The following CGGBP1 variants were observed in gnomAD, a reference collection of about 807,000 sequenced individuals.
CGGBP1 encodes the protein CGG triplet repeat-binding protein 1.
In CGGBP1, 4 loss-of-function variants were observed where a neutral mutation model predicts 11.4. The observed-to-expected ratio is 0.35, with a 90% CI of 0.17 to 0.80. The LOEUF (loss-of-function observed/expected upper bound fraction) is 0.80, where lower values mean the gene tolerates loss of function less well. CGGBP1 is among the 30% of genes least tolerant of loss of function. The pLI, the probability that CGGBP1 is intolerant of heterozygous loss-of-function variation, is 0.52. For missense variants in CGGBP1, 135 were observed against 202.1 expected, an observed-to-expected ratio of 0.67 and a Z score of 2.01; for synonymous variants, 76 against 74.1, an observed-to-expected ratio of 1.03 and a Z score of -0.13.
chr3:88,099,117 G>T (rs573191302), intron 2 of CGGBP1, among the ~76,000 whole-genome samples: 2 of 152,292 alleles, frequency 1.3e-5, no homozygotes, highest in South Asian at 4.1e-4. Flanking sequence ...TCCTTAAGCT[G>T]ATAGGCAACT....
At chr3:88,140,580 T>TGTA in intron 2 of CGGBP1, 1 of 1,613,690 alleles carries the variant, frequency 6.2e-7, no homozygotes, top group Non-Finnish European at 8.5e-7. Context: ...TGAAAATAAT[T>TGTA]GTAGTAGTAG....
intron 2 of CGGBP1, among the ~76,000 whole-genome samples, chr3:88,097,769 G>T (rs1704151083): frequency 6.6e-6 from 1 of 152,254 alleles, no homozygotes; most frequent in East Asian, 1.9e-4. Flanking sequence ...AAATAAAGAT[G>T]TTCTTTGAAA....
At chr3:88,139,288 A>G in intron 2 of CGGBP1, 1 of 1,566,084 alleles carries the variant, frequency 6.4e-7, no homozygotes, top group Non-Finnish European at 8.6e-7. Flanking sequence ...AAAGTAGATC[A>G]CAATGTCCCA....
At chr3:88,126,087 T>C in intron 2 of CGGBP1, 1 of 1,413,238 alleles carries the variant, frequency 7.1e-7, no homozygotes, top group Non-Finnish European at 9.3e-7. Context: ...AAGTTTAGTT[T>C]TTAACCCCTT....
chr3:88,116,591 A>G (rs1705418709), intron 2 of CGGBP1, among the ~76,000 whole-genome samples: 1 of 107,290 alleles, frequency 9.3e-6, no homozygotes. Flanking sequence ...CACATATATT[A>G]TATATATGTG....
At chr3:88,066,237 C>T (rs56409895) in intron 2 of CGGBP1, among the ~76,000 whole-genome samples, 2 of 152,264 alleles carry the variant, frequency 1.3e-5, no homozygotes, top group East Asian at 3.9e-4. Context: ...AGATACATGA[C>T]TATTATTGCT....
chr3:88,059,299 G>A (rs1422308252), upstream of CGGBP1: 11 of 1,532,820 alleles, frequency 7.2e-6, no homozygotes, highest in Admixed American at 5.9e-5. Context: ...GGGCTGGTAC[G>A]CGCTGGGCGG....
intron 2 of CGGBP1, among the ~76,000 whole-genome samples, chr3:88,069,569 T>C (rs1435253447): frequency 1.3e-5 from 2 of 152,220 alleles, no homozygotes; most frequent in Non-Finnish European, 2.9e-5. Flanking sequence ...CAGGACAATG[T>C]TTGCTTACCA....
intron 2 of CGGBP1, chr3:88,126,337 G>A (rs1446239108): frequency 1.8e-5 from 24 of 1,305,338 alleles, no homozygotes; most frequent in Middle Eastern, 2.8e-4. Context: ...TTACTAACTA[G>A]AGCAGTAATA....
intron 3 of CGGBP1, chr3:88,056,830 T>G (rs1244841938): frequency 1.3e-5 from 2 of 152,196 alleles, no homozygotes; most frequent in East Asian, 3.8e-4. Flanking sequence ...CTTCAATATT[T>G]GTCCAAATAT....
At chr3:88,093,952 T>C (rs1703898400) in intron 2 of CGGBP1, among the ~76,000 whole-genome samples, 2 of 152,204 alleles carry the variant, frequency 1.3e-5, no homozygotes, top group Non-Finnish European at 2.9e-5. Context: ...CCTGACTCTT[T>C]ATATTGACGA....
intron 2 of CGGBP1, among the ~76,000 whole-genome samples, chr3:88,097,854 G>A (rs1324559608): frequency 7.2e-5 from 11 of 152,104 alleles, no homozygotes; most frequent in African/African-American, 2.7e-4. Flanking sequence ...GAAATTTATA[G>A]CACTAAATGC....
chr3:88,059,349 C>T (rs1296700384), upstream of CGGBP1: 4 of 1,534,888 alleles, frequency 2.6e-6, no homozygotes, highest in Admixed American at 2.0e-5. Context: ...ACCAAGAGGC[C>T]GAACGCCTCG....
chr3:88,145,037 T>G (rs1227271668), intron 1 of CGGBP1, among the ~76,000 whole-genome samples: 1 of 149,398 alleles, frequency 6.7e-6, no homozygotes, highest in African/African-American at 2.4e-5. Context: ...TGGTAATTCT[T>G]CAAAAATGAA....
chr3:88,117,156 TAGC>T (rs1705464663), intron 2 of CGGBP1, among the ~76,000 whole-genome samples: 1 of 152,156 alleles, frequency 6.6e-6, no homozygotes, highest in African/African-American at 2.4e-5. Context: ...TGAAGGCAAT[TAGC>T]AGATTAACTC....
intron 2 of CGGBP1, among the ~76,000 whole-genome samples, chr3:88,068,547 A>AG: frequency 6.6e-6 from 1 of 152,182 alleles, no homozygotes; most frequent in East Asian, 1.9e-4. Context: ...GGTTACTCTA[A>AG]AGTTGAAATA....
chr3:88,103,964 G>A (rs1704588092), intron 2 of CGGBP1, among the ~76,000 whole-genome samples: 2 of 151,930 alleles, frequency 1.3e-5, no homozygotes, highest in Admixed American at 1.3e-4. Context: ...GTTTTGTCAT[G>A]TTGGCCCGGC....
At chr3:88,134,771 A>G (rs927847773) in intron 2 of CGGBP1, among the ~76,000 whole-genome samples, 1 of 152,092 alleles carries the variant, frequency 6.6e-6, no homozygotes, top group South Asian at 2.1e-4. Flanking sequence ...GTATTGGCAC[A>G]TTAGGATTAG....
At chr3:88,095,116 T>A (rs1703981847) in intron 2 of CGGBP1, among the ~76,000 whole-genome samples, 1 of 152,168 alleles carries the variant, frequency 6.6e-6, no homozygotes, top group Admixed American at 6.5e-5. Context: ...ATAGTTTTCT[T>A]AAGCTTTGGT....
Sources: allele counts gnomAD v4.1 joint callset (sites outside exome capture counted in the v4.1 genomes callset), GRCh38; gene constraint gnomAD v4.1.1; transcripts MANE v1.5; gene names NCBI Gene and HGNC (gene_info 2026-07-23, HGNC 2026-07-21).